Variants in KDM5B observed in about 807,000 individuals in gnomAD.
KDM5B encodes lysine-specific demethylase 5B.
A neutral mutation model predicts 193.4 loss-of-function variants in KDM5B; 144 were observed. The ratio of observed to expected loss-of-function variants is 0.74; its 90% CI spans 0.65 to 0.86. KDM5B has a LOEUF of 0.86. Ranked by LOEUF, KDM5B falls within the 40% of genes least tolerant of loss-of-function variation. The probability of loss-of-function intolerance (pLI) is 0.00; values close to 1 mark genes in which losing one functional copy is unlikely to be tolerated. For synonymous variants in KDM5B, 668 were observed against 682.6 expected, an observed-to-expected ratio of 0.98 and a Z score of 0.33; for missense variants, 1,833 against 1,886.9, an observed-to-expected ratio of 0.97 and a Z score of 0.53.
In KDM5B at chr1:202,749,078, G is replaced by A. The variant is rs781411886; in HGVS notation, c.1883C>T (p.Ser628Phe). The A allele has an allele frequency of 1.2e-6, 2 of 1,614,046 alleles. No homozygotes were observed. The highest frequency in any genetic ancestry group is 1.7e-6 in the Non-Finnish European group (2 of 1,179,974). Reference sequence around the variant, plus strand: ...CATCTTGCAGATCATCTCATCGTGGGAAAACACACAATATCGATGAAGCAA... The same window carrying A: ...CATCTTGCAGATCATCTCATCGTGGAAAAACACACAATATCGATGAAGCAA... ...YRLLHRYCVFSHDEMICKMAS... is the reference protein window; with the variant it reads ...YRLLHRYCVFFHDEMICKMAS... Residue 628 changes from serine to phenylalanine, a missense_variant, in exon 14 of 27, where the codon TCC becomes TTC. Ser to Phe is a radical substitution (Grantham distance 155). This residue lies in a region of KDM5B where 1,379 missense variants were observed against 1,349.6 expected (regional missense o/e 1.02). Transcript: ENST00000367265.
Position 202,753,025 on chromosome 1 carries a change from A to G in KDM5B, c.1581T>C (p.Ala527=), listed in dbSNP as rs1655856166. 6.2e-7 allele frequency: 1 copy of G among 1,614,042 alleles called. No homozygotes were observed. Among genetic ancestry groups the G allele is most frequent in the Admixed American group, 1.7e-5 (1 of 60,000 alleles). ...TCTTCATTACATTTTCTAGCTGCTC[A>G]GCAGCATACCCTGGGACTCCATACC... ...KTWYGVPGYA[A]EQLENVMKKL... Residue 527 remains alanine, a synonymous_variant, in exon 12 of 27, where the codon GCT becomes GCC. Transcript: ENST00000367265.
intron 23 of KDM5B, 86 bp downstream of exon 23, chr1:202,733,315 A>T: frequency 6.8e-7 from 1 of 1,474,524 alleles, no homozygotes; most frequent in Non-Finnish European, 9.2e-7. Flanking sequence ...ACACCAAGGG[A>T]ATAGCAACAC....
chr1:202,777,348 C>G (rs576648690), intron 1 of KDM5B, among the ~76,000 whole-genome samples: 103 of 71,816 alleles, frequency 1.4e-3, no homozygotes, highest in Non-Finnish European at 3.1e-3. Flanking sequence ...GTCATTGAGC[C>G]TGTAAAAAAA....
At position 202,808,145 on chromosome 1, in the gene KDM5B, G is replaced by A; in HGVS notation, c.161C>T (p.Pro54Leu). 2 of 1,613,142 alleles carry A rather than the reference G, an allele frequency of 1.2e-6. No homozygotes were observed. Among genetic ancestry groups the A allele is most frequent in the Non-Finnish European group, 1.7e-6 (2 of 1,179,560 alleles). The stretch of plus-strand genomic sequence containing the variant: ...ACAGATGCCAGTCTGCTCGGCTATG[G>A]GCCGGATCTTGTGGATGAAAGCGAA... ...DPFAFIHKIRPIAEQTGICKV... is the reference protein window; with the variant it reads ...DPFAFIHKIRLIAEQTGICKV... The change falls in exon 1 of 27, where the codon CCC becomes CTC. Residue 54 changes from proline to leucine, a missense_variant. By Grantham distance (98) the Pro-to-Leu change is moderately conservative (BLOSUM62 -3). Transcript: ENST00000367265.
intron 5 of KDM5B, 109 bp downstream of exon 5, chr1:202,766,817 C>T: frequency 8.1e-7 from 1 of 1,237,266 alleles, no homozygotes; most frequent in Non-Finnish European, 1.1e-6. Context: ...GTGAGATTAA[C>T]AAGGTTCAAA....
At chr1:202,778,270 G>A (rs1352461494) in intron 1 of KDM5B, among the ~76,000 whole-genome samples, 1 of 152,016 alleles carries the variant, frequency 6.6e-6, no homozygotes, top group African/African-American at 2.4e-5. Flanking sequence ...CCATCATGAG[G>A]AAGTAATCAG....
chr1:202,750,985 T>C (rs1484830359), intron 12 of KDM5B, among the ~76,000 whole-genome samples: 1 of 152,152 alleles, frequency 6.6e-6, no homozygotes, highest in Non-Finnish European at 1.5e-5. Flanking sequence ...CTACCAAAGT[T>C]GATTAGTATC....
chr1:202,736,055 GCTTCACCAGAAAAT>G (rs1655081260), intron 21 of KDM5B, among the ~76,000 whole-genome samples, 144 bp downstream of exon 21: 1 of 152,194 alleles, frequency 6.6e-6, no homozygotes. Context: ...TTTAAAGGTT[GCTTCACCAGAAAAT>G]TAGAAGAGTC....
At chr1:202,767,239 A>T in intron 4 of KDM5B, 179 bp from the exon 5 acceptor site, 1 of 1,586,318 alleles carries the variant, frequency 6.3e-7, no homozygotes, top group Non-Finnish European at 8.7e-7. Flanking sequence ...TTATGTTTTA[A>T]GCAGTTGGTG....
At chr1:202,801,048 G>C (rs886402126) in intron 1 of KDM5B, among the ~76,000 whole-genome samples, 2 of 152,158 alleles carry the variant, frequency 1.3e-5, no homozygotes, top group African/African-American at 4.8e-5. Context: ...AAGCTAAGCT[G>C]TTCTTTACAA....
At chr1:202,734,950 G>GT (rs1160570509) in intron 22 of KDM5B, among the ~76,000 whole-genome samples, 2 of 152,174 alleles carry the variant, frequency 1.3e-5, no homozygotes, top group Non-Finnish European at 2.9e-5. Context: ...TGCTTAATGT[G>GT]TAACATTAGT....
chr1:202,767,501 C>T (rs898427009), intron 4 of KDM5B: 41 of 754,406 alleles, frequency 5.4e-5, no homozygotes, highest in East Asian at 1.2e-4. Flanking sequence ...CTTTTTTTCA[C>T]GACCTTGTTC....
At chr1:202,737,146 A>G (rs1214511210) in intron 20 of KDM5B, among the ~76,000 whole-genome samples, 2 of 152,196 alleles carry the variant, frequency 1.3e-5, no homozygotes, top group Non-Finnish European at 2.9e-5. Context: ...ACAAAACAAT[A>G]TTTTACCCCA....
intron 23 of KDM5B, 103 bp from the exon 24 acceptor site, chr1:202,732,042 G>C: frequency 1.7e-4 from 66 of 378,944 alleles, no homozygotes; most frequent in Middle Eastern, 6.1e-4. Context: ...GCAACCAGGG[G>C]AAAAAAAAAA....
At chr1:202,797,508 T>C (rs1657896078) in intron 1 of KDM5B, among the ~76,000 whole-genome samples, 1 of 152,190 alleles carries the variant, frequency 6.6e-6, no homozygotes, top group Non-Finnish European at 1.5e-5. Flanking sequence ...GAATAAAATA[T>C]GATGGTGGCT....
rs1463288960 is a variant in KDM5B, at chr1:202,733,821, A to T, written c.3489T>A (p.Asn1163Lys). 6.2e-7 allele frequency: 1 copy of T among 1,614,148 alleles called. No homozygotes were observed. The highest frequency in any genetic ancestry group is 8.5e-7 in the Non-Finnish European group (1 of 1,180,008). Residue 1163 changes from asparagine (N) to lysine (K), a missense_variant, in exon 23 of 27, where the codon AAT becomes AAA. Asn to Lys is a moderately conservative substitution (Grantham distance 94). This residue lies in a region of KDM5B where 1,379 missense variants were observed against 1,349.6 expected (regional missense o/e 1.02). Transcript: ENST00000367265. ...GGAGAGGCGACAGCAATTTCCCTTC[A>T]TTGGCGAGTCTGAGAGACTGCAAGG... ...MEALQSLRLA[N>K]EGKLLSPLQD... is the part of the protein sequence containing the mutation.
At chr1:202,795,588 T>C (rs1465410385) in intron 1 of KDM5B, among the ~76,000 whole-genome samples, 1 of 151,596 alleles carries the variant, frequency 6.6e-6, no homozygotes, top group Non-Finnish European at 1.5e-5. Flanking sequence ...GAGGCAGAGG[T>C]TGCAGTGAGC....
chr1:202,767,286 A>G, intron 4 of KDM5B: 1 of 1,609,568 alleles, frequency 6.2e-7, no homozygotes. Context: ...ACGCAGATCC[A>G]AAGTACAAAC....
intron 21 of KDM5B, among the ~76,000 whole-genome samples, 195 bp from the exon 22 acceptor site, chr1:202,735,782 C>T (rs1211553867): frequency 1.3e-5 from 2 of 152,152 alleles, no homozygotes; most frequent in East Asian, 3.9e-4. Flanking sequence ...AGACTGATTC[C>T]TTATTCAATT....
Sources: allele counts gnomAD v4.1 joint callset (sites outside exome capture counted in the v4.1 genomes callset), GRCh38; gene constraint gnomAD v4.1.1; regional missense constraint gnomAD v4.1.1; transcripts MANE v1.5; gene names NCBI Gene and HGNC (gene_info 2026-07-23, HGNC 2026-07-21).